GNG4: variants seen among roughly 807,000 people sequenced by gnomAD.
GNG4 encodes the protein guanine nucleotide-binding protein G(I)/G(S)/G(O) subunit gamma-4.
GNG4 carries 4 observed loss-of-function variants against 5.8 expected under a neutral mutation model. The ratio of observed to expected loss-of-function variants is 0.69; its 90% CI spans 0.34 to 1.57. The LOEUF (loss-of-function observed/expected upper bound fraction) is 1.57, where lower values mean the gene tolerates loss of function less well. GNG4 is among the 40% of genes most tolerant of loss of function. The pLI, the probability that GNG4 is intolerant of heterozygous loss-of-function variation, is 0.06. For synonymous variants in GNG4, 29 were observed against 32.9 expected (o/e 0.88, Z 0.41); for missense variants, 96 against 95.1 (o/e 1.01, Z -0.04).
chr1:235,621,493 C>T (rs1688710708), intron 1 of GNG4, among the ~76,000 whole-genome samples: 1 of 151,178 alleles, frequency 6.6e-6, no homozygotes, highest in South Asian at 2.1e-4. Flanking sequence ...TGGGGTTTCA[C>T]CATTTTGGCC....
intron 1 of GNG4, among the ~76,000 whole-genome samples, chr1:235,600,124 T>TTTTTTTC (rs1688225094): frequency 7.4e-6 from 1 of 134,600 alleles, no homozygotes; most frequent in Non-Finnish European, 1.6e-5. Context: ...TTTTTTTTTT[T>TTTTTTTC]TTTTTAGACA....
At chr1:235,599,500 A>G (rs897327847) in intron 1 of GNG4, among the ~76,000 whole-genome samples, 5 of 151,920 alleles carry the variant, frequency 3.3e-5, no homozygotes, top group Admixed American at 3.3e-4. Context: ...CATTTTTAGT[A>G]GAGACGGGGT....
At chr1:235,594,433 C>A (rs532965548) in intron 2 of GNG4, among the ~76,000 whole-genome samples, 125 of 152,356 alleles carry the variant, frequency 8.2e-4, no homozygotes, top group African/African-American at 2.6e-3. Context: ...CATGCGCCCA[C>A]ACTCCTCAGC....
chr1:235,559,613 G>A (rs11800593), intron 3 of GNG4, among the ~76,000 whole-genome samples: 31,928 of 152,128 alleles, frequency 0.21, 4,087 homozygotes, highest in African/African-American at 0.34. Flanking sequence ...CTTCCGCCCT[G>A]TGGGTGGGTC....
At position 235,555,352 on chromosome 1, in the gene GNG4, C is replaced by G. The variant is rs562891294; in HGVS notation, c.100-3115G>C. Among the ~76,000 whole-genome samples the G allele has an allele frequency of 2.3e-4, 35 of 152,264 alleles. No homozygotes were observed. In the South Asian group the frequency reaches 7.3e-3, roughly 32 times the overall value. On this transcript the variant is annotated intron_variant, in intron 3 of 3. Coordinates refer to ENST00000391854, the MANE Select transcript of GNG4 (RefSeq NM_001098722.2). ...GTGGCTGACCCATATTAAACAAGCT[C>G]AGGAGGCAGCTGGATAAAACCATAA...
intron 1 of GNG4, among the ~76,000 whole-genome samples, chr1:235,628,993 A>ATTTTTTTTTTTTTTTTTTTTCTTTTT (rs1054950474): frequency 8.4e-6 from 1 of 118,360 alleles, no homozygotes. Context: ...ATTTGCTTGA[A>ATTTTTTTTTTTTTTTTTTTTCTTTTT]TTTTTTTTTT....
intron 2 of GNG4, among the ~76,000 whole-genome samples, chr1:235,584,637 T>C (rs935969987): frequency 6.9e-6 from 1 of 144,008 alleles, no homozygotes; most frequent in African/African-American, 2.5e-5. Context: ...GCCCCGTGAC[T>C]AAGACCAGTG....
intron 1 of GNG4, among the ~76,000 whole-genome samples, chr1:235,637,350 T>C (rs1480428620): frequency 1.3e-5 from 2 of 152,132 alleles, no homozygotes; most frequent in African/African-American, 4.8e-5. Context: ...GGGGATGCTT[T>C]ATATTAAAGA....
At chr1:235,637,408 T>C (rs1024313235) in intron 1 of GNG4, among the ~76,000 whole-genome samples, 6 of 151,474 alleles carry the variant, frequency 4.0e-5, no homozygotes, top group African/African-American at 1.5e-4. Flanking sequence ...ATCCCAGCAC[T>C]TTCGGAGGCC....
At chr1:235,582,926 C>G (rs1399303387) in intron 3 of GNG4, among the ~76,000 whole-genome samples, 1 of 152,144 alleles carries the variant, frequency 6.6e-6, no homozygotes, top group Non-Finnish European at 1.5e-5. Flanking sequence ...CATACACTAG[C>G]ATGAGGGGAG....
chr1:235,579,096 C>CAAA (rs779380298), intron 3 of GNG4, among the ~76,000 whole-genome samples: 3 of 71,428 alleles, frequency 4.2e-5, no homozygotes, highest in African/African-American at 1.5e-4. Flanking sequence ...GACTCCATCT[C>CAAA]AAAAAAAAAA....
chr1:235,628,133 T>C (rs1161201836), intron 1 of GNG4, among the ~76,000 whole-genome samples: 1 of 152,082 alleles, frequency 6.6e-6, no homozygotes, highest in Non-Finnish European at 1.5e-5. Flanking sequence ...TGGGCTGAGA[T>C]TGTGCCATCG....
intron 1 of GNG4, among the ~76,000 whole-genome samples, chr1:235,646,161 A>C (rs1657506283): frequency 6.6e-6 from 1 of 152,196 alleles, no homozygotes; most frequent in Admixed American, 6.5e-5. Flanking sequence ...CAGAAAGCCA[A>C]CCCAGCAACT....
intron 3 of GNG4, among the ~76,000 whole-genome samples, chr1:235,568,461 G>C (rs1242627848): frequency 6.6e-6 from 1 of 152,152 alleles, no homozygotes; most frequent in Non-Finnish European, 1.5e-5. Context: ...ATGCACATCT[G>C]TATCTCCTTT....
chr1:235,636,806 A>C (rs1371295539), intron 1 of GNG4, among the ~76,000 whole-genome samples: 1 of 151,914 alleles, frequency 6.6e-6, no homozygotes, highest in Admixed American at 6.6e-5. Flanking sequence ...CTGGGACCCT[A>C]TTTCCTTGTA....
chr1:235,582,808 T>C (rs1687669640), intron 3 of GNG4, among the ~76,000 whole-genome samples: 1 of 152,180 alleles, frequency 6.6e-6, no homozygotes, highest in Non-Finnish European at 1.5e-5. Flanking sequence ...TATACCCTCA[T>C]GTAACTTTCC....
At chr1:235,638,690 G>A (rs530327101) in intron 1 of GNG4, among the ~76,000 whole-genome samples, 54 of 152,162 alleles carry the variant, frequency 3.5e-4, no homozygotes, top group African/African-American at 1.2e-3. Flanking sequence ...GGTGTGTGAT[G>A]TTCCCCTCCC....
chr1:235,629,839 G>A (rs1417758384), intron 1 of GNG4, among the ~76,000 whole-genome samples: 3 of 151,680 alleles, frequency 2.0e-5, no homozygotes, highest in Non-Finnish European at 2.9e-5. Context: ...TAATCTGCCC[G>A]CCTCAGCCTC....
At chr1:235,641,984 A>C (rs1657341269) in intron 1 of GNG4, among the ~76,000 whole-genome samples, 3 of 152,062 alleles carry the variant, frequency 2.0e-5, no homozygotes, top group Non-Finnish European at 4.4e-5. Context: ...TGATTCCTCC[A>C]CCGTAACAGA....
Sources: gnomAD v4.1 joint callset for allele counts (sites outside exome capture counted in the v4.1 genomes callset) on GRCh38, gnomAD v4.1.1 for gene constraint, MANE v1.5 for transcripts, NCBI Gene and HGNC (gene_info 2026-07-23, HGNC 2026-07-21) for gene names.